Variants in CARM1 observed in about 807,000 individuals in gnomAD.
CARM1 encodes the protein histone-arginine methyltransferase CARM1.
In CARM1, 14 loss-of-function variants were observed where a neutral mutation model predicts 72.7. That is an observed-to-expected ratio of 0.19 (90% CI 0.13 to 0.30). The LOEUF is 0.30. Among genes scored for constraint, CARM1 ranks in the 10% least tolerant of loss-of-function variants. The pLI, the probability that CARM1 is intolerant of heterozygous loss-of-function variation, is 1.00. For missense variants in CARM1, 432 were observed against 833.7 expected, an observed-to-expected ratio of 0.52 and a Z score of 5.93; for synonymous variants, 333 against 345.5, an observed-to-expected ratio of 0.96 and a Z score of 0.40.
At position 10,915,087 on chromosome 19, in the gene CARM1, G is replaced by A. The variant is rs2074184608; in HGVS notation, c.847+1033G>A. Reference sequence around the variant, plus strand: ...GGGGCTTGTGCAGGCAGGGGCAGGGGGGAAGCTTCCACTCTCATCTCTGGC... The same window carrying A: ...GGGGCTTGTGCAGGCAGGGGCAGGGAGGAAGCTTCCACTCTCATCTCTGGC... On this transcript the variant is annotated intron_variant, in intron 6 of 15. Transcript: ENST00000327064. The surrounding 1 kb of genome is among the most constrained non-coding windows in gnomAD (Gnocchi z 4.6). Among the ~76,000 whole-genome samples the A allele has an allele frequency of 6.6e-6, 1 of 152,212 alleles. No homozygotes were observed. Among genetic ancestry groups the A allele is most frequent in the South Asian group, 2.1e-4 (1 of 4,832 alleles).
chr19:10,920,134 GTGTGTGTGTA>G lies in CARM1; in HGVS notation c.1196+178_1196+187del, dbSNP rs1431256526. ...ACTGTTGTGGGTGGGGTGTGTGTGT[GTGTGTGTGTA>G]TGTGTGTGTGTGTCCTGTGTTCCCA... On this transcript the variant is annotated intron_variant, in intron 10 of 15. Transcript: ENST00000327064. The surrounding 1 kb of genome is among the most constrained non-coding windows in gnomAD (Gnocchi z 5.3). Among the ~76,000 whole-genome samples, 1 of 151,870 alleles carries G rather than the reference GTGTGTGTGTA, an allele frequency of 6.6e-6. No individual in the cohort carries two copies. Among genetic ancestry groups the G allele is most frequent in the Non-Finnish European group, 1.5e-5 (1 of 67,944 alleles).
intron 2 of CARM1, among the ~76,000 whole-genome samples, chr19:10,906,251 G>A (rs935101148): frequency 2.0e-5 from 3 of 152,026 alleles, no homozygotes; most frequent in African/African-American, 7.2e-5. Context: ...ACTGCACCCG[G>A]CCGTTCCCAC....
At chr19:10,877,213 AAAGTTAGT>A in intron 1 of CARM1, among the ~76,000 whole-genome samples, 1 of 152,104 alleles carries the variant, frequency 6.6e-6, no homozygotes, top group African/African-American at 2.4e-5. Flanking sequence ...GACAACAGGG[AAAGTTAGT>A]AACCCCAGAA....
chr19:10,921,214 G>T, intron 14 of CARM1, 87 bp downstream of exon 14: 1 of 1,475,720 alleles, frequency 6.8e-7, no homozygotes, highest in Non-Finnish European at 9.4e-7. Flanking sequence ...ACCAGGGTCG[G>T]CCTCTGCTTG....
In CARM1 at chr19:10,871,934, G is replaced by C. The variant is rs1218699147; in HGVS notation, c.220+12G>C. 1 of 1,184,030 alleles carries C rather than the reference G, an allele frequency of 8.4e-7. No homozygotes were observed. Among genetic ancestry groups the C allele is most frequent in the Admixed American group, 4.6e-5 (1 of 21,918 alleles). The allele number at this position is 1,184,030 out of a possible 1,614,324, so 73.3% of individuals were successfully genotyped here. ...CGCCCTCTACAGCCGTGAGTACGGG[G>C]CCCCGGGGCAGGCGCAGGGCCGGGG... On this transcript the variant is annotated intron_variant, in intron 1 of 15. Transcript: ENST00000327064. This position sits in a 1 kb window ranked among gnomAD's most constrained non-coding sequence, Gnocchi z 5.6.
Position 10,910,859 on chromosome 19 carries a change from C to T in CARM1, c.559-1325C>T, listed in dbSNP as rs187775506. 1.5e-3 allele frequency among the ~76,000 whole-genome samples: 222 copies of T among 151,218 alleles called. 3 individuals are homozygous for T. The highest frequency in any genetic ancestry group is 0.01 in the Admixed American group (153 of 15,168). On this transcript the variant is annotated intron_variant, in intron 4 of 15. Transcript: ENST00000327064. ...GATTACAGGCATGAGCCACTGCACCCGGCTTACTCAGAATTTTTGTTTTCT... is the reference window on the plus strand; with the variant it reads ...GATTACAGGCATGAGCCACTGCACCTGGCTTACTCAGAATTTTTGTTTTCT...
Position 10,871,844 on chromosome 19 carries a change from C to T in CARM1, c.142C>T (p.Gln48Ter). Residue 48 changes from glutamine to a stop codon, truncating the protein, a stop_gained, in exon 1 of 16, where the codon CAG becomes TAG. Transcript: ENST00000327064. LOFTEE classifies it high-confidence loss of function. This position sits in a 1 kb window ranked among gnomAD's most constrained non-coding sequence, Gnocchi z 5.6. ...LTIGDANGEI[Q>*]RHAEQQALRL... The stretch of plus-strand genomic sequence containing the variant: ...CATCGGCGACGCGAACGGCGAGATC[C>T]AGCGGCACGCGGAGCAGCAGGCGCT... 1 of 1,297,752 alleles carries T rather than the reference C, an allele frequency of 7.7e-7. No homozygotes were observed. The highest frequency in any genetic ancestry group is 3.4e-5 in the East Asian group (1 of 29,110). 80.4% of individuals were successfully genotyped at this position (1,297,752 alleles called of 1,614,324 possible).
In CARM1 at chr19:10,880,202, T is replaced by A. The variant is rs185969255; in HGVS notation, c.220+8280T>A. Among the ~76,000 whole-genome samples, 80 of 152,174 alleles carry A rather than the reference T, an allele frequency of 5.3e-4. 1 individual carries two copies. Among genetic ancestry groups the A allele is most frequent in the Middle Eastern group, 3.4e-3 (1 of 294 alleles). The stretch of plus-strand genomic sequence containing the variant: ...GTCTGCTGGAGAACCTGGGAGGTGG[T>A]GAGTTTGCAAAGACATCCAGGGAAG... On this transcript the variant is annotated intron_variant, in intron 1 of 15. Coordinates refer to ENST00000327064, the MANE Select transcript of CARM1 (RefSeq NM_199141.2).
chr19:10,921,683 ACCATGGGCGGCCCCGCCATCT>A lies in CARM1; in HGVS notation c.1760_1780del (p.Gly587_Met593del), dbSNP rs771130070. 6.2e-6 allele frequency: 10 copies of A among 1,613,526 alleles called. No homozygotes were observed. The Admixed American group carries it at 1.2e-4, about 19-fold the overall frequency. Reference sequence around the variant, plus strand: ...CCACTATGCAGTCAACAGCCAGTTCACCATGGGCGGCCCCGCCATCTCCATGGCGTCGCCCATGTCCATCCC... The same window carrying A: ...CCACTATGCAGTCAACAGCCAGTTCACCATGGCGTCGCCCATGTCCATCCC... On this transcript the variant is annotated inframe_deletion, in exon 16 of 16. Coordinates refer to ENST00000327064, the MANE Select transcript of CARM1 (RefSeq NM_199141.2).
At chr19:10,897,496 G>C (rs921402734) in intron 1 of CARM1, among the ~76,000 whole-genome samples, 9 of 152,160 alleles carry the variant, frequency 5.9e-5, no homozygotes, top group African/African-American at 2.2e-4. Context: ...CCCCTTCCCT[G>C]CAGTTCCAGC....
chr19:10,908,954 G>T, intron 3 of CARM1, 149 bp from the exon 4 acceptor site: 1 of 560,868 alleles, frequency 1.8e-6, no homozygotes. Context: ...CTCTCCTGGA[G>T]CTGCTAGTGG....
chr19:10,905,399 G>GTT (rs2074095714), intron 2 of CARM1, among the ~76,000 whole-genome samples: 1 of 84,754 alleles, frequency 1.2e-5, no homozygotes, highest in Non-Finnish European at 2.7e-5. Context: ...GACTGGGCCA[G>GTT]CTGTGGATGG....
rs1179867204 is a variant in CARM1 at position 10,890,632 on chromosome 19, C to T, written c.221-14319C>T. Among the ~76,000 whole-genome samples the T allele has an allele frequency of 4.7e-5, 7 of 150,088 alleles. 1 individual carries two copies. The Admixed American group carries it at 4.7e-4, about 10-fold the overall frequency. On this transcript the variant is annotated intron_variant, in intron 1 of 15. Coordinates refer to ENST00000327064, the MANE Select transcript of CARM1 (RefSeq NM_199141.2). The stretch of plus-strand genomic sequence containing the variant: ...GGTCCCAGCTACTTTGTTTTATTTA[C>T]ATATATATATGTATATGTATATACG...
intron 1 of CARM1, among the ~76,000 whole-genome samples, chr19:10,887,869 G>A (rs1055993027): frequency 4.6e-5 from 7 of 152,060 alleles, no homozygotes; most frequent in African/African-American, 4.8e-5. Flanking sequence ...TCTCTGGAGC[G>A]CCCCCCTGTA....
At chr19:10,890,265 G>GTTTTT (rs71164129) in intron 1 of CARM1, among the ~76,000 whole-genome samples, 1 of 144,522 alleles carries the variant, frequency 6.9e-6, no homozygotes. Flanking sequence ...TTTTTGTTTT[G>GTTTTT]TTTGTTTTTT....
chr19:10,873,721 G>A (rs2073839784), intron 1 of CARM1, among the ~76,000 whole-genome samples: 1 of 120,820 alleles, frequency 8.3e-6, no homozygotes. Context: ...CTCACTGCAA[G>A]CTCTGCCACC....
chr19:10,894,804 G>A (rs2074012801), intron 1 of CARM1, among the ~76,000 whole-genome samples: 2 of 148,796 alleles, frequency 1.3e-5, no homozygotes, highest in Non-Finnish European at 3.0e-5. Flanking sequence ...GCAGTGGCAC[G>A]ATCTCAGCTC....
intron 1 of CARM1, among the ~76,000 whole-genome samples, chr19:10,884,501 G>A (rs1171905916): frequency 2.0e-5 from 3 of 151,752 alleles, no homozygotes; most frequent in Non-Finnish European, 4.4e-5. Flanking sequence ...CTGCCACTTT[G>A]ACACTACACA....
intron 1 of CARM1, among the ~76,000 whole-genome samples, chr19:10,901,525 A>G (rs907683740): frequency 1.3e-5 from 2 of 151,732 alleles, no homozygotes; most frequent in Non-Finnish European, 1.5e-5. Context: ...GGGTCTTACT[A>G]TGTTGCCCAG....
Sources: gnomAD v4.1 joint callset for allele counts (sites outside exome capture counted in the v4.1 genomes callset) on GRCh38, gnomAD v4.1.1 for gene constraint, Gnocchi (gnomAD v3.1) non-coding constraint, MANE v1.5 for transcripts, NCBI Gene and HGNC (gene_info 2026-07-23, HGNC 2026-07-21) for gene names.